Variants in DCST2 observed in about 807,000 individuals in gnomAD.
DCST2 encodes DC-STAMP domain containing 2.
Under a neutral mutation model 81.8 loss-of-function variants are expected in DCST2, and 64 were observed. That is an observed-to-expected ratio of 0.78 (90% CI 0.64 to 0.96). The LOEUF is 0.96. Ranked by LOEUF, DCST2 falls within the 40% of genes least tolerant of loss-of-function variation. The pLI, the probability that DCST2 is intolerant of heterozygous loss-of-function variation, is 0.00. For missense variants in DCST2, 945 were observed against 1,001.4 expected, an observed-to-expected ratio of 0.94 and a Z score of 0.76; for synonymous variants, 354 against 402.6, an observed-to-expected ratio of 0.88 and a Z score of 1.44.
At position 155,031,557 on chromosome 1, in the gene DCST2, G is replaced by C; in HGVS notation, c.739+17C>G. On this transcript the variant is annotated intron_variant, in intron 4 of 14. Transcript: ENST00000368424. The stretch of plus-strand genomic sequence containing the variant: ...CCACATCGGCTCCTCCCCGCTGGCA[G>C]ACCCTGGTTTTCTCACGGCTGGCAA... 7.5e-7 allele frequency: 1 copy of C among 1,330,434 alleles called. No homozygotes were observed. The highest frequency in any genetic ancestry group is 1.0e-6 in the Non-Finnish European group (1 of 996,268). The allele number at this position is 1,330,434 out of a possible 1,614,324, so 82.4% of individuals were successfully genotyped here.
rs368226562 is a variant in DCST2, at chr1:155,031,160, G to A, written c.805+9C>T. The stretch of plus-strand genomic sequence containing the variant: ...GGAGCACCATATGTGGCAGGAGGGG[G>A]TCACTCACGGGTGCCGATGGTCTGG... On this transcript the variant is annotated intron_variant, in intron 5 of 14. Coordinates refer to ENST00000368424, the MANE Select transcript of DCST2 (RefSeq NM_144622.3). The A allele has an allele frequency of 3.8e-6, 6 of 1,587,276 alleles. No individual in the cohort carries two copies. The highest frequency in any genetic ancestry group is 1.9e-5 in the Admixed American group (1 of 51,398).
In DCST2 at chr1:155,026,364, C is replaced by T. The variant is rs1659909606; in HGVS notation, c.1549G>A (p.Gly517Ser). 6.2e-7 allele frequency: 1 copy of T among 1,613,760 alleles called. No individual in the cohort carries two copies. Among genetic ancestry groups the T allele is most frequent in the African/African-American group, 1.3e-5 (1 of 74,920 alleles). ...YGLCFFITLF[G>S]SYVSRLRRVI... is the part of the protein sequence containing the mutation. ...CGCCGCAGCCGGCTGACATAGCTGC[C>T]AAACAGGGTGATGAAGAAGCATAGG... The change falls in exon 10 of 15, where the codon GGC becomes AGC. Residue 517 changes from glycine (G) to serine (S), a missense_variant. Transcript: ENST00000368424.
At chr1:155,031,515 T>TGCCCCC in intron 4 of DCST2, 59 bp downstream of exon 4, 2 of 643,124 alleles carry the variant, frequency 3.1e-6, no homozygotes, top group Non-Finnish European at 5.8e-6. Context: ...ACCCCCACAT[T>TGCCCCC]CCCACCCCAC....
At position 155,031,251 on chromosome 1, in the gene DCST2, G is replaced by A. The variant is rs757747082; in HGVS notation, c.740-17C>T. ...CCTGGACCACTGAGGGGCGGAGTCG[G>A]CTGAGTGTCGGAAGGAGGGGCACAG... On this transcript the variant is annotated splice_polypyrimidine_tract_variant and intron_variant, in intron 4 of 14. Coordinates refer to ENST00000368424, the MANE Select transcript of DCST2 (RefSeq NM_144622.3). 6.4e-6 allele frequency: 10 copies of A among 1,558,564 alleles called. No homozygotes were observed. In the East Asian group the frequency reaches 1.6e-4, roughly 25 times the overall value.
intron 6 of DCST2, 81 bp from the exon 7 acceptor site, chr1:155,030,322 A>G (rs886893400): frequency 1.9e-6 from 3 of 1,600,180 alleles, no homozygotes; most frequent in Admixed American, 1.7e-5. Context: ...CTTCAACCCC[A>G]CAACTTCAAC....
Position 155,033,681 on chromosome 1 carries a change from A to G in DCST2, c.21T>C (p.Asp7=), listed in dbSNP as rs1335882819. The change falls in exon 1 of 15, where the codon GAT becomes GAC. Residue 7 remains aspartate (D), a synonymous_variant. Transcript: ENST00000368424. ...CCTCTCCCCCCAAGGGGTGCACAAC[A>G]TCCTTCATGACTTTGGGCATGGCTG... The part of the protein sequence containing the change: MPKVMK[D]VVHPLGGEEP... 1 of 1,613,710 alleles carries G rather than the reference A, an allele frequency of 6.2e-7. No homozygotes were observed. Among genetic ancestry groups the G allele is most frequent in the Non-Finnish European group, 8.5e-7 (1 of 1,179,850 alleles).
At position 155,033,425 on chromosome 1, in the gene DCST2, C is replaced by A; in HGVS notation, c.268+9G>T. 2 of 1,611,292 alleles carry A rather than the reference C, an allele frequency of 1.2e-6. No homozygotes were observed. Among genetic ancestry groups the A allele is most frequent in the South Asian group, 2.2e-5 (2 of 90,920 alleles). Reference sequence around the variant, plus strand: ...GGACCTGCCCCCTAGCCCTGGGTGCCAAGCTCACTGGAGAAGGCCTGAGGC... The same window carrying A: ...GGACCTGCCCCCTAGCCCTGGGTGCAAAGCTCACTGGAGAAGGCCTGAGGC... On this transcript the variant is annotated intron_variant, in intron 1 of 14. Coordinates refer to ENST00000368424, the MANE Select transcript of DCST2 (RefSeq NM_144622.3).
intron 10 of DCST2, among the ~76,000 whole-genome samples, chr1:155,025,625 C>T (rs1171647748): frequency 6.6e-6 from 1 of 152,044 alleles, no homozygotes; most frequent in South Asian, 2.1e-4. Flanking sequence ...CCAAACCCAG[C>T]CCCGATGGTG....
intron 10 of DCST2, among the ~76,000 whole-genome samples, chr1:155,025,075 A>T (rs1005044306): frequency 2.7e-4 from 39 of 144,746 alleles, no homozygotes; most frequent in African/African-American, 1.0e-3. Flanking sequence ...TGAACCCGGG[A>T]GGCGGAGGTT....
At chr1:155,024,230 C>T (rs1659834274) in intron 11 of DCST2, among the ~76,000 whole-genome samples, 1 of 152,138 alleles carries the variant, frequency 6.6e-6, no homozygotes, top group Non-Finnish European at 1.5e-5. Context: ...AGCACACCAG[C>T]ATGGCACATG....
rs762360737 is a variant in DCST2 at position 155,033,666 on chromosome 1, C to T, written c.36G>A (p.Leu12=). ...TCGCCATGCTAGGCTCCTCTCCCCC[C>T]AAGGGGTGCACAACATCCTTCATGA... is the stretch of plus-strand genomic sequence containing the variant. ...PKVMKDVVHP[L]GGEEPSMARA... Residue 12 remains leucine (L), a synonymous_variant, in exon 1 of 15, where the codon TTG becomes TTA. Coordinates refer to ENST00000368424, the MANE Select transcript of DCST2 (RefSeq NM_144622.3). 2 of 1,614,046 alleles carry T rather than the reference C, an allele frequency of 1.2e-6. No individual in the cohort carries two copies. Among genetic ancestry groups the T allele is most frequent in the African/African-American group, 1.3e-5 (1 of 74,952 alleles).
At chr1:155,018,859 C>G in intron 14 of DCST2, 99 bp from the exon 15 acceptor site, 3 of 1,206,436 alleles carry the variant, frequency 2.5e-6, no homozygotes, top group Non-Finnish European at 3.5e-6. Flanking sequence ...GATCCAGCTC[C>G]TGTTCTTTCT....
chr1:155,033,604 C>A lies in DCST2; in HGVS notation c.98G>T (p.Gly33Val). Residue 33 changes from glycine (G) to valine (V), a missense_variant, in exon 1 of 15, where the codon GGC (glycine) becomes GTC (valine). Gly to Val is a moderately radical substitution (Grantham distance 109). Coordinates refer to ENST00000368424, the MANE Select transcript of DCST2 (RefSeq NM_144622.3). Reference protein sequence around the residue: ...VVRSVGGFTLGLSLATAYGLL... With the variant: ...VVRSVGGFTLVLSLATAYGLL... Reference sequence around the variant, plus strand: ...CCCGTAGGCCGTGGCTAAAGACAAGCCCAGGGTAAAACCTCCCACGCTGCG... The same window carrying A: ...CCCGTAGGCCGTGGCTAAAGACAAGACCAGGGTAAAACCTCCCACGCTGCG... 1 of 1,614,168 alleles carries A rather than the reference C, an allele frequency of 6.2e-7. No homozygotes were observed.
chr1:155,030,524 G>T lies in DCST2; in HGVS notation c.927C>A (p.His309Gln). The T allele has an allele frequency of 6.2e-7, 1 of 1,614,148 alleles. No individual in the cohort carries two copies. Among genetic ancestry groups the T allele is most frequent in the East Asian group, 2.2e-5 (1 of 44,870 alleles). Reference protein sequence around the residue: ...RSLSQVAMDLHEAVSMKLHRV... With the variant: ...RSLSQVAMDLQEAVSMKLHRV... ...GGTGCAGCTTCATGCTGACAGCCTCGTGGAGGTCCATGGCTACCTGGGACA... is the reference window on the plus strand; with the variant it reads ...GGTGCAGCTTCATGCTGACAGCCTCTTGGAGGTCCATGGCTACCTGGGACA... The change falls in exon 6 of 15, where the codon CAC becomes CAA. Residue 309 changes from histidine to glutamine, a missense_variant. Transcript: ENST00000368424.
intron 10 of DCST2, 109 bp downstream of exon 10, chr1:155,026,193 C>A (rs1023284004): frequency 9.3e-6 from 9 of 972,152 alleles, no homozygotes; most frequent in Admixed American, 4.7e-5. Flanking sequence ...CAGAGGAGAG[C>A]GGGCTGGGGC....
rs763147014 is a variant in DCST2 at position 155,033,629 on chromosome 1, G to A, written c.73C>T (p.Arg25Cys). 1.9e-5 allele frequency: 30 copies of A among 1,614,042 alleles called. 1 individual carries two copies. Among genetic ancestry groups the A allele is most frequent in the African/African-American group, 8.0e-5 (6 of 74,920 alleles). The change falls in exon 1 of 15, where the codon CGC becomes TGC. Residue 25 changes from arginine (R) to cysteine (C), a missense_variant. Arg to Cys is a radical substitution (Grantham distance 180). Coordinates refer to ENST00000368424, the MANE Select transcript of DCST2 (RefSeq NM_144622.3). The part of the protein sequence containing the change: ...EEPSMARAVV[R>C]SVGGFTLGLS... ...CCCAGGGTAAAACCTCCCACGCTGC[G>A]AACCACAGCTCTCGCCATGCTAGGC...
Position 155,026,853 on chromosome 1 carries a change from A to C in DCST2, c.1343-138T>G, listed in dbSNP as rs1381339062. ...CTTGGCTGGGGGCCTCTGATGCCTC[A>C]GGCACCCTCATGGTGCCCTGGGGCC... is the stretch of plus-strand genomic sequence containing the variant. On this transcript the variant is annotated intron_variant, in intron 8 of 14. Coordinates refer to ENST00000368424, the MANE Select transcript of DCST2 (RefSeq NM_144622.3). 8 of 1,018,858 alleles carry C rather than the reference A, an allele frequency of 7.9e-6. No homozygotes were observed. In the East Asian group the frequency reaches 2.1e-4, roughly 27 times the overall value. The allele number at this position is 1,018,858 out of a possible 1,614,324, so 63.1% of individuals were successfully genotyped here.
intron 11 of DCST2, 49 bp from the exon 12 acceptor site, chr1:155,024,008 C>A: frequency 6.3e-7 from 1 of 1,587,818 alleles, no homozygotes; most frequent in Non-Finnish European, 8.6e-7. Context: ...GCCAGCTTAA[C>A]CCTCCCCACT....
Position 155,030,478 on chromosome 1 carries a change from G to A in DCST2, c.973C>T (p.Leu325=). Residue 325 remains leucine, a synonymous_variant, in exon 6 of 15, where the codon CTG becomes TTG. Transcript: ENST00000368424. Reference sequence around the variant, plus strand: ...AGCAGAGGCGTGGTGAAGCCCATCAGAGCCAGGGCCTCTCGGACACGGTGC... The same window carrying A: ...AGCAGAGGCGTGGTGAAGCCCATCAAAGCCAGGGCCTCTCGGACACGGTGC... ...KLHRVREALA[L]MGFTTPLLLV... 1 of 1,614,100 alleles carries A rather than the reference G, an allele frequency of 6.2e-7. No individual in the cohort carries two copies. The highest frequency in any genetic ancestry group is 8.5e-7 in the Non-Finnish European group (1 of 1,180,018).
Sources: gnomAD v4.1 joint callset for allele counts (sites outside exome capture counted in the v4.1 genomes callset) on GRCh38, gnomAD v4.1.1 for gene constraint, MANE v1.5 for transcripts, NCBI Gene and HGNC (gene_info 2026-07-23, HGNC 2026-07-21) for gene names.